PRKG2: variants seen among roughly 807,000 people sequenced by gnomAD.
PRKG2 encodes protein kinase cGMP-dependent 2.
Under a neutral mutation model 97.2 loss-of-function variants are expected in PRKG2, and 33 were observed. That is an observed-to-expected ratio of 0.34 (90% CI 0.26 to 0.45). The LOEUF is 0.45. Among genes scored for constraint, PRKG2 ranks in the 20% least tolerant of loss-of-function variants. The probability of loss-of-function intolerance (pLI) is 1.00; values close to 1 mark genes in which losing one functional copy is unlikely to be tolerated. For synonymous variants in PRKG2, 330 were observed against 321.8 expected (o/e 1.03, Z -0.27); for missense variants, 638 against 900.0 (o/e 0.71, Z 3.73).
At chr4:81,159,552 G>C (rs989883498) in intron 6 of PRKG2, among the ~76,000 whole-genome samples, 153 of 152,198 alleles carry the variant, frequency 1.0e-3, no homozygotes, top group African/African-American at 3.5e-3. Flanking sequence ...TCAGTGTGGC[G>C]ATTCCTCAGG....
chr4:81,176,761 T>C (rs975836625), intron 2 of PRKG2, among the ~76,000 whole-genome samples: 2 of 152,202 alleles, frequency 1.3e-5, no homozygotes, highest in Admixed American at 1.3e-4. Context: ...AGCTTCAATG[T>C]CCTCTTTATT....
chr4:81,145,348 CT>C (rs1482760899), intron 9 of PRKG2, among the ~76,000 whole-genome samples: 3 of 152,122 alleles, frequency 2.0e-5, no homozygotes, highest in Non-Finnish European at 4.4e-5. Context: ...GTTACAGATT[CT>C]TTTAACTTTG....
At chr4:81,143,875 G>T (rs1747543622) in intron 10 of PRKG2, among the ~76,000 whole-genome samples, 1 of 151,966 alleles carries the variant, frequency 6.6e-6, no homozygotes, top group South Asian at 2.1e-4. Context: ...CTTACATTTT[G>T]AAAAAATTCT....
intron 17 of PRKG2, among the ~76,000 whole-genome samples, chr4:81,101,820 A>G (rs1438842543): frequency 6.6e-6 from 1 of 152,094 alleles, no homozygotes; most frequent in Admixed American, 6.6e-5. Context: ...GAGACTGAGA[A>G]AATCTGATGC....
chr4:81,104,587 AC>A (rs1743141324), intron 16 of PRKG2, among the ~76,000 whole-genome samples, 155 bp from the exon 17 acceptor site: 1 of 152,016 alleles, frequency 6.6e-6, no homozygotes, highest in Admixed American at 6.6e-5. Flanking sequence ...TGTAGACCAG[AC>A]ATCTGAGTTT....
chr4:81,152,745 A>C (rs1748541372), intron 7 of PRKG2, among the ~76,000 whole-genome samples: 1 of 152,226 alleles, frequency 6.6e-6, no homozygotes, highest in African/African-American at 2.4e-5. Flanking sequence ...AAAAATAAAA[A>C]ATGCAATTTT....
upstream of PRKG2, among the ~76,000 whole-genome samples, chr4:81,215,679 T>C (rs201843060): frequency 5.3e-5 from 8 of 150,934 alleles, no homozygotes; most frequent in East Asian, 1.6e-3. Flanking sequence ...CGAAGACATG[T>C]GACCCCGAAG....
At chr4:81,161,569 G>C (rs1012310603) in intron 6 of PRKG2, among the ~76,000 whole-genome samples, 6 of 152,132 alleles carry the variant, frequency 3.9e-5, no homozygotes, top group Admixed American at 3.3e-4. Flanking sequence ...CATTTTCAAG[G>C]TCATTCAGGT....
At chr4:81,114,808 T>G (rs1025306032) in intron 14 of PRKG2, among the ~76,000 whole-genome samples, 28 of 152,110 alleles carry the variant, frequency 1.8e-4, no homozygotes, top group African/African-American at 6.8e-4. Context: ...ACTTTTGTGT[T>G]CACCGTTTGC....
rs778199944 is a variant in PRKG2 at position 81,105,843 on chromosome 4, C to T, written c.2033G>A (p.Arg678Gln). 6 of 1,613,792 alleles carry T rather than the reference C, an allele frequency of 3.7e-6. No individual in the cohort carries two copies. In the South Asian group the frequency reaches 4.4e-5, roughly 12 times the overall value. ...KMDFPRKITR[R>Q]PEDLIRRLCR... ...AAGCCTCCGAATCAAATCCTCAGGT[C>T]GTCGTGTTATCTTCCTGGGAAAATC... Residue 678 changes from arginine to glutamine, a missense_variant, in exon 16 of 19, where the codon CGA (arginine) becomes CAA (glutamine). Coordinates refer to ENST00000264399, the MANE Select transcript of PRKG2 (RefSeq NM_006259.3).
rs1171938614 is a variant in PRKG2 at position 81,088,304 on chromosome 4, G to C, written c.*1404C>G. On this transcript the variant is annotated 3_prime_UTR_variant, in exon 19 of 19. Coordinates refer to ENST00000264399, the MANE Select transcript of PRKG2 (RefSeq NM_006259.3). Reference sequence around the variant, plus strand: ...GATGATGAAATTATGAGTGGGGACTGGGTAGAGGTTCCTTTTGACATAGAA... The same window carrying C: ...GATGATGAAATTATGAGTGGGGACTCGGTAGAGGTTCCTTTTGACATAGAA... The C allele has an allele frequency of 6.6e-6, 1 of 152,070 alleles. No homozygotes were observed. The highest frequency in any genetic ancestry group is 1.5e-5 in the Non-Finnish European group (1 of 67,992). 9.4% of individuals were successfully genotyped at this position (152,070 alleles called of 1,614,324 possible). A position where few individuals can be genotyped will look rare whatever the true frequency, so the allele number is the denominator to read the frequency against.
intron 14 of PRKG2, among the ~76,000 whole-genome samples, chr4:81,128,465 CT>C (rs1745828422): frequency 6.6e-6 from 1 of 151,882 alleles, no homozygotes; most frequent in African/African-American, 2.4e-5. Flanking sequence ...TGGTCTTGGG[CT>C]TTTTTTTGTT....
At chr4:81,185,516 C>T (rs57574694) in intron 2 of PRKG2, among the ~76,000 whole-genome samples, 2 of 152,088 alleles carry the variant, frequency 1.3e-5, no homozygotes, top group East Asian at 3.9e-4. Context: ...CCAGCCACTG[C>T]AAAAACATAC....
At chr4:81,094,349 G>GA (rs202080336) in intron 17 of PRKG2, among the ~76,000 whole-genome samples, 7 of 148,438 alleles carry the variant, frequency 4.7e-5, no homozygotes, top group South Asian at 2.1e-4. Flanking sequence ...AGTTCTCTAA[G>GA]AAAAAAAAAA....
At chr4:81,141,954 C>G (rs1747336955) in intron 11 of PRKG2, among the ~76,000 whole-genome samples, 1 of 152,080 alleles carries the variant, frequency 6.6e-6, no homozygotes, top group Admixed American at 6.6e-5. Context: ...CTGCTCATGC[C>G]CAAAGCCAGC....
intron 12 of PRKG2, among the ~76,000 whole-genome samples, chr4:81,140,008 G>T (rs1194513853): frequency 6.6e-6 from 1 of 152,110 alleles, no homozygotes; most frequent in Non-Finnish European, 1.5e-5. Flanking sequence ...CAACATGGAT[G>T]GAACTGGAGG....
chr4:81,140,777 A>AG, intron 11 of PRKG2, 108 bp from the exon 12 acceptor site: 1 of 913,408 alleles, frequency 1.1e-6, no homozygotes, highest in Non-Finnish European at 1.6e-6. Flanking sequence ...GGAAGCCCTT[A>AG]GCCACTTATC....
intron 5 of PRKG2, among the ~76,000 whole-genome samples, chr4:81,168,465 T>C (rs1245824905): frequency 7.2e-5 from 11 of 152,184 alleles, no homozygotes; most frequent in African/African-American, 2.7e-4. Flanking sequence ...AATTAACTGC[T>C]ATGCCTAGTT....
intron 5 of PRKG2, among the ~76,000 whole-genome samples, chr4:81,167,974 T>C (rs959697177): frequency 3.3e-5 from 5 of 152,058 alleles, no homozygotes; most frequent in African/African-American, 9.7e-5. Flanking sequence ...TGTTATGATG[T>C]CTTATAACTT....
Sources: gnomAD v4.1 joint callset for allele counts (sites outside exome capture counted in the v4.1 genomes callset) on GRCh38, gnomAD v4.1.1 for gene constraint, MANE v1.5 for transcripts, NCBI Gene and HGNC (gene_info 2026-07-23, HGNC 2026-07-21) for gene names.